The following TEKT2 variants were observed in gnomAD, a reference collection of about 807,000 sequenced individuals.
TEKT2 encodes the protein tektin-2.
A neutral mutation model predicts 49.8 loss-of-function variants in TEKT2; 45 were observed. That is an observed-to-expected ratio of 0.90 (90% CI 0.71 to 1.16). The LOEUF is 1.16. TEKT2 is among the 50% of genes most tolerant of loss of function. The pLI is 0.00. For missense variants in TEKT2, 523 were observed against 551.4 expected (o/e 0.95, Z 0.52); for synonymous variants, 202 against 224.6 (o/e 0.90, Z 0.90).
In TEKT2 at chr1:36,088,241, G is replaced by A; in HGVS notation, c.*55G>A. ...TTGGGTGGGCAATGGAAGGAGGGAG[G>A]AGAGAAATGAATGGAATAAATGCAG... On this transcript the variant is annotated 3_prime_UTR_variant, in exon 10 of 10. Transcript: ENST00000207457. 1 of 1,467,328 alleles carries A rather than the reference G, an allele frequency of 6.8e-7. No homozygotes were observed. The highest frequency in any genetic ancestry group is 9.4e-7 in the Non-Finnish European group (1 of 1,061,294). 90.9% of individuals were successfully genotyped at this position (1,467,328 alleles called of 1,614,324 possible). A position where few individuals can be genotyped will look rare whatever the true frequency, so the allele number is the denominator to read the frequency against.
At position 36,087,379 on chromosome 1, in the gene TEKT2, A is replaced by G. The variant is rs1031870147; in HGVS notation, c.856-60A>G. The G allele has an allele frequency of 2.0e-5, 33 of 1,613,828 alleles. No homozygotes were observed. The highest frequency in any genetic ancestry group is 2.6e-5 in the Non-Finnish European group (31 of 1,179,912). On this transcript the variant is annotated intron_variant, in intron 7 of 9. Transcript: ENST00000207457. This position sits in a 1 kb window ranked among gnomAD's most constrained non-coding sequence, Gnocchi z 4.9. The stretch of plus-strand genomic sequence containing the variant: ...AAGCCGCATGCCCCCGCCAGGAGGC[A>G]CTGGACCAGGCATGCACGTGAGTCC...
chr1:36,086,771 G>C lies in TEKT2; in HGVS notation c.556G>C (p.Asp186His). The part of the protein sequence containing the change: ...HRGKMETLEI[D>H]RGCLSLNLRS... ...GGGCAAAATGGAGACACTAGAGATC[G>C]ACAGAGGCTGTCTCTCTCTCAACCT... Residue 186 changes from aspartate to histidine, a missense_variant, in exon 5 of 10, where the codon GAC becomes CAC. Physicochemically the swap from Asp to His is moderately conservative, Grantham distance 81 (BLOSUM62 -1). Transcript: ENST00000207457. 1.2e-6 allele frequency: 2 copies of C among 1,614,088 alleles called. No homozygotes were observed. Among genetic ancestry groups the C allele is most frequent in the Non-Finnish European group, 1.7e-6 (2 of 1,180,010 alleles).
chr1:36,084,525 G>T lies in TEKT2; in HGVS notation c.-52-345G>T, dbSNP rs1480214868. 3.1e-6 allele frequency: 1 copy of T among 324,404 alleles called. No homozygotes were observed. The highest frequency in any genetic ancestry group is 2.1e-5 in the African/African-American group (1 of 46,784). The allele number at this position is 324,404 out of a possible 1,614,324, so 20.1% of individuals were successfully genotyped here. A position where few individuals can be genotyped will look rare whatever the true frequency, so the allele number is the denominator to read the frequency against. On this transcript the variant is annotated intron_variant, in intron 1 of 9. Transcript: ENST00000207457. The surrounding 1 kb of genome is among the most constrained non-coding windows in gnomAD (Gnocchi z 4.1). Reference sequence around the variant, plus strand: ...AGATCAACAAGGCATGGTTGGCTGGGGGCAGGTGTGGAAAATGCATTAAGG... The same window carrying T: ...AGATCAACAAGGCATGGTTGGCTGGTGGCAGGTGTGGAAAATGCATTAAGG...
rs760818689 is a variant in TEKT2 at position 36,086,962 on chromosome 1, AG to A, written c.665del (p.Ser222IlefsTer12). The A allele has an allele frequency of 6.2e-7, 1 of 1,613,886 alleles. No homozygotes were observed. The highest frequency in any genetic ancestry group is 8.5e-7 in the Non-Finnish European group (1 of 1,180,036). On this transcript the variant is annotated frameshift_variant, in exon 6 of 10. Transcript: ENST00000207457. LOFTEE classifies it high-confidence loss of function. Reference protein sequence around the residue: ...STTLQQWDDFSRFNKDRAEAE... With the variant: ...STTLQQWDDFXRFNKDRAEAE... The stretch of plus-strand genomic sequence containing the variant: ...CACACTCCAGCAGTGGGATGACTTC[AG>A]TCGGTTCAACAAGGACCGAGCGGAG...
In TEKT2 at chr1:36,087,749, G is replaced by A. The variant is rs756781828; in HGVS notation, c.1021G>A (p.Glu341Lys). Reference protein sequence around the residue: ...RDQAQYGLTDEVHQLEATIAA... With the variant: ...RDQAQYGLTDKVHQLEATIAA... ...CCAGGCACAGTACGGCCTCACCGAC[G>A]AGGTTCACCAGCTAGAGGCAACCAT... Residue 341 changes from glutamate to lysine, a missense_variant, in exon 9 of 10, where the codon GAG (glutamate) becomes AAG (lysine). Glu to Lys is a moderately conservative substitution (Grantham distance 56, BLOSUM62 1). Transcript: ENST00000207457. The surrounding 1 kb of genome is among the most constrained non-coding windows in gnomAD (Gnocchi z 4.9). 105 of 1,613,666 alleles carry A rather than the reference G, an allele frequency of 6.5e-5. No homozygotes were observed. The highest frequency in any genetic ancestry group is 8.2e-5 in the Non-Finnish European group (97 of 1,179,992).
Position 36,085,934 on chromosome 1 carries a change from T to C in TEKT2, c.381T>C (p.Asp127=). 1 of 1,613,970 alleles carries C rather than the reference T, an allele frequency of 6.2e-7. No individual in the cohort carries two copies. Among genetic ancestry groups the C allele is most frequent in the Non-Finnish European group, 8.5e-7 (1 of 1,179,956 alleles). ...TGCGGGAAAGCCGGCGAGACATTGATGTGGTGAAGGACCCTGTGGAGGATG... is the reference window on the plus strand; with the variant it reads ...TGCGGGAAAGCCGGCGAGACATTGACGTGGTGAAGGACCCTGTGGAGGATG... ...LTLRESRRDI[D]VVKDPVEDEL... is the part of the protein sequence containing the mutation. Residue 127 remains aspartate, a synonymous_variant, in exon 4 of 10, where the codon GAT becomes GAC. Transcript: ENST00000207457.
chr1:36,087,276 A>G lies in TEKT2; in HGVS notation c.820A>G (p.Lys274Glu). The G allele has an allele frequency of 1.9e-6, 3 of 1,614,130 alleles. No individual in the cohort carries two copies. The highest frequency in any genetic ancestry group is 1.7e-5 in the Admixed American group (1 of 60,022). Residue 274 changes from lysine to glutamate, a missense_variant, in exon 7 of 10, where the codon AAA (lysine) becomes GAA (glutamate). Coordinates refer to ENST00000207457, the MANE Select transcript of TEKT2 (RefSeq NM_014466.3). The surrounding 1 kb of genome is among the most constrained non-coding windows in gnomAD (Gnocchi z 4.9). ...CAGGAAGCGGCTGCGGGAGATGGAG[A>G]AAGTGTACAGTGAGCTCAAGTGGCA... ...AFRKRLREMEKVYSELKWQEK... is the reference protein window; with the variant it reads ...AFRKRLREMEEVYSELKWQEK...
Position 36,084,303 on chromosome 1 carries a change from G to C in TEKT2, c.-53+154G>C, listed in dbSNP as rs1025357020. 6.2e-6 allele frequency: 1 copy of C among 160,446 alleles called. No homozygotes were observed. The highest frequency in any genetic ancestry group is 2.4e-5 in the African/African-American group (1 of 41,480). 9.9% of individuals were successfully genotyped at this position (160,446 alleles called of 1,614,324 possible). Reference sequence around the variant, plus strand: ...TCTTCCCACGGGGCTCTCCCTGTCCGGCCTTCCCCTCCAACAGTAGGCGAG... The same window carrying C: ...TCTTCCCACGGGGCTCTCCCTGTCCCGCCTTCCCCTCCAACAGTAGGCGAG... On this transcript the variant is annotated intron_variant, in intron 1 of 9. Coordinates refer to ENST00000207457, the MANE Select transcript of TEKT2 (RefSeq NM_014466.3). This position sits in a 1 kb window ranked among gnomAD's most constrained non-coding sequence, Gnocchi z 4.1.
In TEKT2 at chr1:36,086,942, T is replaced by A; in HGVS notation, c.644T>A (p.Leu215His). The stretch of plus-strand genomic sequence containing the variant: ...CCTGCCACCTGCAGCTCCACCACAC[T>A]CCAGCAGTGGGATGACTTCAGTCGG... ...PTRVPDGSTT[L>H]QQWDDFSRFN... is the part of the protein sequence containing the mutation. Residue 215 changes from leucine (L) to histidine (H), a missense_variant, in exon 6 of 10, where the codon CTC (leucine) becomes CAC (histidine). Coordinates refer to ENST00000207457, the MANE Select transcript of TEKT2 (RefSeq NM_014466.3). 6.2e-7 allele frequency: 1 copy of A among 1,613,730 alleles called. No individual in the cohort carries two copies. Among genetic ancestry groups the A allele is most frequent in the Non-Finnish European group, 8.5e-7 (1 of 1,180,008 alleles).
At position 36,084,525 on chromosome 1, in the gene TEKT2, G is replaced by A. The variant is rs1480214868; in HGVS notation, c.-52-345G>A. 1 of 324,404 alleles carries A rather than the reference G, an allele frequency of 3.1e-6. No individual in the cohort carries two copies. Among genetic ancestry groups the A allele is most frequent in the African/African-American group, 2.1e-5 (1 of 46,784 alleles). The allele number at this position is 324,404 out of a possible 1,614,324, so 20.1% of individuals were successfully genotyped here. A position where few individuals can be genotyped will look rare whatever the true frequency, so the allele number is the denominator to read the frequency against. ...AGATCAACAAGGCATGGTTGGCTGG[G>A]GGCAGGTGTGGAAAATGCATTAAGG... On this transcript the variant is annotated intron_variant, in intron 1 of 9. Coordinates refer to ENST00000207457, the MANE Select transcript of TEKT2 (RefSeq NM_014466.3). This position sits in a 1 kb window ranked among gnomAD's most constrained non-coding sequence, Gnocchi z 4.1.
chr1:36,085,229 A>C lies in TEKT2; in HGVS notation c.223A>C (p.Lys75Gln), dbSNP rs1331538303. ...VERIDTVNRW[K>Q]EMLDKCLTDL... ...GAGGATTGATACTGTCAACCGGTGG[A>C]AGGAGATGCTGGACAAGTGTCTGAC... is the stretch of plus-strand genomic sequence containing the variant. Residue 75 changes from lysine to glutamine, a missense_variant, in exon 3 of 10, where the codon AAG becomes CAG. Lys to Gln is a moderately conservative substitution (Grantham distance 53, BLOSUM62 1). Coordinates refer to ENST00000207457, the MANE Select transcript of TEKT2 (RefSeq NM_014466.3). 6.2e-7 allele frequency: 1 copy of C among 1,614,212 alleles called. No individual in the cohort carries two copies. The highest frequency in any genetic ancestry group is 8.5e-7 in the Non-Finnish European group (1 of 1,180,044).
intron 4 of TEKT2, among the ~76,000 whole-genome samples, 183 bp downstream of exon 4, chr1:36,086,224 C>T (rs1229412369): frequency 6.6e-6 from 1 of 152,172 alleles, no homozygotes; most frequent in Admixed American, 6.5e-5. Flanking sequence ...GACATGGGCT[C>T]AGAATACTTC....
At position 36,088,080 on chromosome 1, in the gene TEKT2, A is replaced by G. The variant is rs1643416255; in HGVS notation, c.1187A>G (p.Lys396Arg). ...LDTKCMDTRR[K>R]LTVPAERFVP... ...ACCAAGTGCATGGACACACGGCGCA[A>G]GCTGACCGTGCCTGCTGAGAGGTTC... The change falls in exon 10 of 10, where the codon AAG (lysine) becomes AGG (arginine). Residue 396 changes from lysine to arginine, a missense_variant. By Grantham distance (26) the Lys-to-Arg change is conservative. Transcript: ENST00000207457. The G allele has an allele frequency of 1.9e-6, 3 of 1,612,898 alleles. No homozygotes were observed. Among genetic ancestry groups the G allele is most frequent in the South Asian group, 1.1e-5 (1 of 91,064 alleles).
Position 36,084,854 on chromosome 1 carries a change from T to C in TEKT2, c.-52-16T>C. The C allele has an allele frequency of 1.2e-6, 2 of 1,604,840 alleles. No individual in the cohort carries two copies. Among genetic ancestry groups the C allele is most frequent in the Non-Finnish European group, 1.7e-6 (2 of 1,173,804 alleles). On this transcript the variant is annotated splice_polypyrimidine_tract_variant and intron_variant, in intron 1 of 9. Transcript: ENST00000207457. This position sits in a 1 kb window ranked among gnomAD's most constrained non-coding sequence, Gnocchi z 4.1. ...TCTCCGGAAAGGTCTCCCGCAGCAG[T>C]GTTTTCCCTCTGCAGGTGGTGTCTG...
At chr1:36,086,073 T>C (rs1414977694) in intron 4 of TEKT2, 32 bp downstream of exon 4, 1 of 1,552,796 alleles carries the variant, frequency 6.4e-7, no homozygotes, top group Non-Finnish European at 8.7e-7. Context: ...CGCATGTTCA[T>C]GGGCCCCTGG....
chr1:36,085,771 C>T (rs777832053), intron 3 of TEKT2, 65 bp from the exon 4 acceptor site: 12 of 1,513,344 alleles, frequency 7.9e-6, no homozygotes, highest in Admixed American at 5.7e-5. Flanking sequence ...CCATCCAACT[C>T]GGCCTCCCGA....
chr1:36,085,903 T>G lies in TEKT2; in HGVS notation c.350T>G (p.Leu117Arg). Residue 117 changes from leucine (L) to arginine (R), a missense_variant, in exon 4 of 10, where the codon CTG becomes CGG. Coordinates refer to ENST00000207457, the MANE Select transcript of TEKT2 (RefSeq NM_014466.3). ...CCTCTGGATGTGGCCATTGAGTGCC[T>G]GACCCTGCGGGAAAGCCGGCGAGAC... ...NLPLDVAIEC[L>R]TLRESRRDID... 2 of 1,614,030 alleles carry G rather than the reference T, an allele frequency of 1.2e-6. No individual in the cohort carries two copies. The highest frequency in any genetic ancestry group is 1.7e-6 in the Non-Finnish European group (2 of 1,179,976).
In TEKT2 at chr1:36,087,959, A is replaced by G. The variant is rs181577078; in HGVS notation, c.1080-14A>G. 1.6e-5 allele frequency: 25 copies of G among 1,605,704 alleles called. No homozygotes were observed. Among genetic ancestry groups the G allele is most frequent in the East Asian group, 1.3e-4 (6 of 44,658 alleles). On this transcript the variant is annotated splice_polypyrimidine_tract_variant and intron_variant, in intron 9 of 9. Transcript: ENST00000207457. The surrounding 1 kb of genome is among the most constrained non-coding windows in gnomAD (Gnocchi z 4.9). ...CCTCATGGGGGCTGGGGGGTTGTCA[A>G]TGTCCTTCCCTAGGGACGCACTGGA... is the stretch of plus-strand genomic sequence containing the variant.
Position 36,088,243 on chromosome 1 carries a change from G to C in TEKT2, c.*57G>C. On this transcript the variant is annotated 3_prime_UTR_variant, in exon 10 of 10. Coordinates refer to ENST00000207457, the MANE Select transcript of TEKT2 (RefSeq NM_014466.3). ...GGGTGGGCAATGGAAGGAGGGAGGA[G>C]AGAAATGAATGGAATAAATGCAGAG... 6.8e-7 allele frequency: 1 copy of C among 1,464,076 alleles called. No individual in the cohort carries two copies. The highest frequency in any genetic ancestry group is 1.2e-5 in the South Asian group (1 of 84,470). 90.7% of individuals were successfully genotyped at this position (1,464,076 alleles called of 1,614,324 possible). A position where few individuals can be genotyped will look rare whatever the true frequency, so the allele number is the denominator to read the frequency against.
Sources: gnomAD v4.1 joint callset for allele counts (sites outside exome capture counted in the v4.1 genomes callset) on GRCh38, gnomAD v4.1.1 for gene constraint, Gnocchi (gnomAD v3.1) non-coding constraint, MANE v1.5 for transcripts, NCBI Gene and HGNC (gene_info 2026-07-23, HGNC 2026-07-21) for gene names.